CTDNEP1: variants seen among roughly 807,000 people sequenced by gnomAD.
The protein encoded by CTDNEP1 is CTD nuclear envelope phosphatase 1, also known as C-terminal domain nuclear envelope phosphatase 1.
Under a neutral mutation model 30.1 loss-of-function variants are expected in CTDNEP1, and 3 were observed. The ratio of observed to expected loss-of-function variants is 0.10; its 90% CI spans 0.05 to 0.26. CTDNEP1 has a LOEUF of 0.26. CTDNEP1 is among the 10% of genes least tolerant of loss of function. CTDNEP1 has a pLI of 1.00. For synonymous variants in CTDNEP1, 123 were observed against 118.8 expected (o/e 1.04, Z -0.23); for missense variants, 158 against 310.4 (o/e 0.51, Z 3.69).
At position 7,251,452 on chromosome 17, in the gene CTDNEP1, C is replaced by A. The variant is rs1039746398; in HGVS notation, c.-156G>T. ...ACGGAGCGGGCGGCTCAGAAAGCCA[C>A]CCCTGGCGAGGGTAAAGCCCAGCGG... On this transcript the variant is annotated 5_prime_UTR_variant, in exon 1 of 8. Coordinates refer to ENST00000574322, the MANE Select transcript of CTDNEP1 (RefSeq NM_001143775.2). 3.1e-5 allele frequency: 14 copies of A among 454,028 alleles called. No individual in the cohort carries two copies. The highest frequency in any genetic ancestry group is 4.1e-5 in the Non-Finnish European group (11 of 266,838). 28.1% of individuals were successfully genotyped at this position (454,028 alleles called of 1,614,324 possible).
Position 7,246,946 on chromosome 17 carries a change from C to A in CTDNEP1, c.289-84G>T. ...AACGCCCCACCCATCTGCTTCCCTC[C>A]TCCAGGCTGACACTGGTGCCAGCGG... On this transcript the variant is annotated intron_variant, in intron 3 of 7. Transcript: ENST00000574322. The surrounding 1 kb of genome is among the most constrained non-coding windows in gnomAD (Gnocchi z 4.9). The A allele has an allele frequency of 6.9e-7, 1 of 1,442,754 alleles. No homozygotes were observed. The highest frequency in any genetic ancestry group is 9.7e-7 in the Non-Finnish European group (1 of 1,027,774). 89.4% of individuals were successfully genotyped at this position (1,442,754 alleles called of 1,614,324 possible).
At chr17:7,248,613 T>A (rs191267068) in intron 1 of CTDNEP1, among the ~76,000 whole-genome samples, 1 of 152,028 alleles carries the variant, frequency 6.6e-6, no homozygotes, top group Non-Finnish European at 1.5e-5. Flanking sequence ...TGCCTCAGCT[T>A]CCCAAAGTGC....
intron 6 of CTDNEP1, among the ~76,000 whole-genome samples, chr17:7,245,111 T>G (rs899242849): frequency 6.6e-6 from 1 of 152,042 alleles, no homozygotes; most frequent in Non-Finnish European, 1.5e-5. Context: ...GCCAACGTGG[T>G]GAAACTCCGT....
intron 1 of CTDNEP1, among the ~76,000 whole-genome samples, chr17:7,250,676 G>A (rs749993871): frequency 2.6e-5 from 4 of 152,112 alleles, no homozygotes; most frequent in Non-Finnish European, 5.9e-5. Context: ...TTCTCTTAAT[G>A]GGAACCGCAG....
At chr17:7,245,816 T>C in intron 6 of CTDNEP1, among the ~76,000 whole-genome samples, 1 of 152,146 alleles carries the variant, frequency 6.6e-6, no homozygotes, top group South Asian at 2.1e-4. Context: ...ATTTTAAAAA[T>C]GAAAAAAATG....
intron 6 of CTDNEP1, chr17:7,244,978 T>C (rs185938700): frequency 4.5e-6 from 1 of 219,882 alleles, no homozygotes; most frequent in East Asian, 1.4e-4. Context: ...GGCAACATAA[T>C]GAGATCCCTT....
chr17:7,245,942 A>G (rs2142998450), intron 6 of CTDNEP1, 84 bp downstream of exon 6: 2 of 862,856 alleles, frequency 2.3e-6, no homozygotes, highest in South Asian at 2.9e-5. Context: ...CCCAGCTCTC[A>G]AGGACCAAAG....
At chr17:7,245,224 G>A (rs955738274) in intron 6 of CTDNEP1, among the ~76,000 whole-genome samples, 2 of 151,930 alleles carry the variant, frequency 1.3e-5, no homozygotes, top group South Asian at 4.1e-4. Context: ...CCTGGAAGTC[G>A]GAGGTTGCAG....
chr17:7,245,859 T>G (rs534908188), intron 6 of CTDNEP1, among the ~76,000 whole-genome samples, 167 bp downstream of exon 6: 185 of 152,186 alleles, frequency 1.2e-3, no homozygotes, highest in Middle Eastern at 3.2e-3. Context: ...AATGGACATA[T>G]ATGGTATCTC....
rs1448104895 is a variant in CTDNEP1 at position 7,246,436 on chromosome 17, C to G, written c.361-66G>C. ...ATGATTCCTTTAGACATACAGTTAT[C>G]TTTCAGAAAGGCAATGGCATAGTCC... On this transcript the variant is annotated intron_variant, in intron 4 of 7. Coordinates refer to ENST00000574322, the MANE Select transcript of CTDNEP1 (RefSeq NM_001143775.2). This position sits in a 1 kb window ranked among gnomAD's most constrained non-coding sequence, Gnocchi z 4.9. 1 of 1,206,762 alleles carries G rather than the reference C, an allele frequency of 8.3e-7. No individual in the cohort carries two copies. Among genetic ancestry groups the G allele is most frequent in the African/African-American group, 1.5e-5 (1 of 66,838 alleles). The allele number at this position is 1,206,762 out of a possible 1,614,324, so 74.8% of individuals were successfully genotyped here.
intron 1 of CTDNEP1, among the ~76,000 whole-genome samples, chr17:7,250,582 T>C (rs1189317754): frequency 6.6e-6 from 1 of 152,194 alleles, no homozygotes; most frequent in African/African-American, 2.4e-5. Flanking sequence ...AGGCCCATCG[T>C]AAAAGCATCT....
At position 7,246,936 on chromosome 17, in the gene CTDNEP1, T is replaced by C. The variant is rs1402872170; in HGVS notation, c.289-74A>G. Reference sequence around the variant, plus strand: ...AGGCCTAGAAAACGCCCCACCCATCTGCTTCCCTCCTCCAGGCTGACACTG... The same window carrying C: ...AGGCCTAGAAAACGCCCCACCCATCCGCTTCCCTCCTCCAGGCTGACACTG... On this transcript the variant is annotated intron_variant, in intron 3 of 7. Transcript: ENST00000574322. The surrounding 1 kb of genome is among the most constrained non-coding windows in gnomAD (Gnocchi z 4.9). 1 of 1,458,716 alleles carries C rather than the reference T, an allele frequency of 6.9e-7. No homozygotes were observed. The highest frequency in any genetic ancestry group is 9.6e-7 in the Non-Finnish European group (1 of 1,041,596). 90.4% of individuals were successfully genotyped at this position (1,458,716 alleles called of 1,614,324 possible). A position where few individuals can be genotyped will look rare whatever the true frequency, so the allele number is the denominator to read the frequency against.
At position 7,244,586 on chromosome 17, in the gene CTDNEP1, G is replaced by C. The variant is rs752244054; in HGVS notation, c.639C>G (p.Ala213=). The change falls in exon 7 of 8, where the codon GCC becomes GCG. Residue 213 remains alanine (A), a synonymous_variant. Transcript: ENST00000574322. Reference sequence around the variant, plus strand: ...CCAGCATTGGGAGCAGGTTGAGAAGGGCTGTGTCGCTGGGGTCACTGAACC... The same window carrying C: ...CCAGCATTGGGAGCAGGTTGAGAAGCGCTGTGTCGCTGGGGTCACTGAACC... ...KSWFSDPSDT[A]LLNLLPMLDA... is the part of the protein sequence containing the mutation. 14 of 1,613,944 alleles carry C rather than the reference G, an allele frequency of 8.7e-6. No individual in the cohort carries two copies. The South Asian group carries it at 1.5e-4, about 18-fold the overall frequency.
chr17:7,244,196 G>A lies in CTDNEP1; in HGVS notation c.724C>T (p.Arg242Trp), dbSNP rs2071809923. The A allele has an allele frequency of 6.2e-7, 1 of 1,614,042 alleles. No individual in the cohort carries two copies. The highest frequency in any genetic ancestry group is 8.5e-7 in the Non-Finnish European group (1 of 1,180,002). ...SVLSRNLHQHRLW is the reference protein window; with the variant it reads ...SVLSRNLHQHWLW ...AGGGGGAGCAGCTGTCACCAGAGCC[G>A]ATGTTGGTGAAGGTTTCGGCTCAGC... The change falls in exon 8 of 8, where the codon CGG (arginine) becomes TGG (tryptophan). Residue 242 changes from arginine (R) to tryptophan (W), a missense_variant. This residue lies in a region of CTDNEP1 where 96 missense variants were observed against 229.1 expected (regional missense o/e 0.42). Transcript: ENST00000574322.
intron 6 of CTDNEP1, among the ~76,000 whole-genome samples, chr17:7,245,078 G>A (rs1385531532): frequency 2.6e-5 from 4 of 152,158 alleles, no homozygotes; most frequent in African/African-American, 9.7e-5. Flanking sequence ...GAATCACGAG[G>A]TCAGGAATTC....
chr17:7,246,925 C>T lies in CTDNEP1; in HGVS notation c.289-63G>A. The T allele has an allele frequency of 1.3e-6, 2 of 1,489,282 alleles. No individual in the cohort carries two copies. Among genetic ancestry groups the T allele is most frequent in the Non-Finnish European group, 1.9e-6 (2 of 1,068,540 alleles). 92.3% of individuals were successfully genotyped at this position (1,489,282 alleles called of 1,614,324 possible). On this transcript the variant is annotated intron_variant, in intron 3 of 7. Coordinates refer to ENST00000574322, the MANE Select transcript of CTDNEP1 (RefSeq NM_001143775.2). This position sits in a 1 kb window ranked among gnomAD's most constrained non-coding sequence, Gnocchi z 4.9. ...CACCACAACCCAGGCCTAGAAAACG[C>T]CCCACCCATCTGCTTCCCTCCTCCA...
chr17:7,246,813 T>A lies in CTDNEP1; in HGVS notation c.338A>T (p.His113Leu). The change falls in exon 4 of 8, where the codon CAT becomes CTT. Residue 113 changes from histidine to leucine, a missense_variant. Physicochemically the swap from His to Leu is moderately conservative, Grantham distance 99. Transcript: ENST00000574322. This position sits in a 1 kb window ranked among gnomAD's most constrained non-coding sequence, Gnocchi z 4.9. Reference sequence around the variant, plus strand: ...CACCACTTCCAGGAAGAAATCCACATGGGGCCTCTTATGTACAAAAAACCG... The same window carrying A: ...CACCACTTCCAGGAAGAAATCCACAAGGGGCCTCTTATGTACAAAAAACCG... ...PVRFFVHKRP[H>L]VDFFLEVVSQ... 6.2e-7 allele frequency: 1 copy of A among 1,613,988 alleles called. No homozygotes were observed. Among genetic ancestry groups the A allele is most frequent in the Non-Finnish European group, 8.5e-7 (1 of 1,179,910 alleles).
intron 1 of CTDNEP1, among the ~76,000 whole-genome samples, chr17:7,249,197 C>T (rs2071881585): frequency 6.6e-6 from 1 of 152,208 alleles, no homozygotes; most frequent in African/African-American, 2.4e-5. Context: ...CAAAGCCTGG[C>T]AATTCCCTCT....
At chr17:7,245,275 G>A (rs2142998340) in intron 6 of CTDNEP1, among the ~76,000 whole-genome samples, 1 of 151,514 alleles carries the variant, frequency 6.6e-6, no homozygotes, top group South Asian at 2.1e-4. Flanking sequence ...CTGGGTGACA[G>A]TGCGAGACTC....
Sources: allele counts gnomAD v4.1 joint callset (sites outside exome capture counted in the v4.1 genomes callset), GRCh38; gene constraint gnomAD v4.1.1; regional missense constraint gnomAD v4.1.1; non-coding constraint Gnocchi (gnomAD v3.1); transcripts MANE v1.5; gene names NCBI Gene and HGNC (gene_info 2026-07-23, HGNC 2026-07-21).